Variants in BRINP3 observed in about 807,000 individuals in gnomAD.
The protein encoded by BRINP3 is BMP/retinoic acid-inducible neural-specific protein 3.
A neutral mutation model predicts 71.0 loss-of-function variants in BRINP3; 19 were observed. That is an observed-to-expected ratio of 0.27 (90% confidence interval 0.19 to 0.39). BRINP3 has a LOEUF of 0.39. Ranked by LOEUF, BRINP3 falls within the 10% of genes least tolerant of loss-of-function variation. The probability of loss-of-function intolerance (pLI) is 1.00; values close to 1 mark genes in which losing one functional copy is unlikely to be tolerated. For synonymous variants in BRINP3, 380 were observed against 337.7 expected (o/e 1.13, Z -1.37); for missense variants, 959 against 940.8 (o/e 1.02, Z -0.25).
At chr1:190,346,364 C>T (rs757731123) in intron 2 of BRINP3, among the ~76,000 whole-genome samples, 1 of 151,938 alleles carries the variant, frequency 6.6e-6, no homozygotes, top group Non-Finnish European at 1.5e-5. Context: ...AAGGCAAGTG[C>T]TTTGTTAATA....
At chr1:190,332,911 T>A (rs111513242) in intron 2 of BRINP3, among the ~76,000 whole-genome samples, 1 of 152,104 alleles carries the variant, frequency 6.6e-6, no homozygotes, top group Non-Finnish European at 1.5e-5. Context: ...TATTTCACTT[T>A]TCTTTTTCAT....
chr1:190,418,508 T>C (rs1673151964), intron 2 of BRINP3, among the ~76,000 whole-genome samples: 1 of 152,212 alleles, frequency 6.6e-6, no homozygotes, highest in Admixed American at 6.5e-5. Flanking sequence ...AAATTTTCCT[T>C]CTCATTACAC....
In BRINP3 at chr1:190,264,873, C is replaced by T. The variant is rs2102874527; in HGVS notation, c.610G>A (p.Ala204Thr). 6.2e-7 allele frequency: 1 copy of T among 1,612,902 alleles called. No individual in the cohort carries two copies. Among genetic ancestry groups the T allele is most frequent in the Non-Finnish European group, 8.5e-7 (1 of 1,179,488 alleles). The change falls in exon 4 of 8, where the codon GCC becomes ACC. Residue 204 changes from alanine (A) to threonine (T), a missense_variant. Coordinates refer to ENST00000367462, the MANE Select transcript of BRINP3 (RefSeq NM_199051.3). ...RLHHIQIASTAIKVTETRTGP... is the reference protein window; with the variant it reads ...RLHHIQIASTTIKVTETRTGP... ...CGTAAACTCATTCTTACCTTTATGG[C>T]AGTGGATGCAATTTGAATGTGGTGA...
At chr1:190,457,533 C>A (rs1379027215) in intron 1 of BRINP3, among the ~76,000 whole-genome samples, 1 of 152,084 alleles carries the variant, frequency 6.6e-6, no homozygotes, top group Non-Finnish European at 1.5e-5. Context: ...TACTTAACTT[C>A]TTTTGTGCGT....
At chr1:190,359,687 A>G (rs1451401272) in intron 2 of BRINP3, among the ~76,000 whole-genome samples, 1 of 152,134 alleles carries the variant, frequency 6.6e-6, no homozygotes, top group Non-Finnish European at 1.5e-5. Flanking sequence ...ACTGTCATAC[A>G]TTGAAGCTGG....
At chr1:190,417,370 C>T (rs1378112406) in intron 2 of BRINP3, among the ~76,000 whole-genome samples, 1 of 152,020 alleles carries the variant, frequency 6.6e-6, no homozygotes, top group Non-Finnish European at 1.5e-5. Context: ...TCTAATTTTA[C>T]AGTAAATATT....
At chr1:190,269,916 C>A (rs1374993703) in intron 3 of BRINP3, among the ~76,000 whole-genome samples, 3 of 151,940 alleles carry the variant, frequency 2.0e-5, no homozygotes, top group East Asian at 3.9e-4. Flanking sequence ...CTGACTAAAA[C>A]ATGCAAAACA....
At chr1:190,373,611 A>T (rs1293706400) in intron 2 of BRINP3, among the ~76,000 whole-genome samples, 3 of 151,798 alleles carry the variant, frequency 2.0e-5, no homozygotes, top group Non-Finnish European at 4.4e-5. Flanking sequence ...TCCAAAACTA[A>T]TAATGGCAGC....
At chr1:190,316,410 T>C (rs1323482443) in intron 2 of BRINP3, among the ~76,000 whole-genome samples, 2 of 152,126 alleles carry the variant, frequency 1.3e-5, no homozygotes, top group African/African-American at 4.8e-5. Flanking sequence ...ACAGATGCTC[T>C]TCTCTCAATT....
At chr1:190,319,299 A>T (rs1386907587) in intron 2 of BRINP3, among the ~76,000 whole-genome samples, 1 of 151,886 alleles carries the variant, frequency 6.6e-6, no homozygotes, top group African/African-American at 2.4e-5. Context: ...CCTCTGGCAT[A>T]TCTTCTTCCT....
At chr1:190,358,961 C>T (rs146026471) in intron 2 of BRINP3, among the ~76,000 whole-genome samples, 4,139 of 151,794 alleles carry the variant, frequency 0.027, 87 homozygotes, top group Middle Eastern at 0.11. Context: ...AATTGAACAA[C>T]GAGAACACTT....
intron 6 of BRINP3, among the ~76,000 whole-genome samples, chr1:190,212,847 A>G (rs1401304285): frequency 1.3e-5 from 2 of 152,138 alleles, no homozygotes; most frequent in African/African-American, 4.8e-5. Context: ...GACTCCAGCT[A>G]ACCTGTGGTG....
At chr1:190,324,932 G>A (rs1247068257) in intron 2 of BRINP3, among the ~76,000 whole-genome samples, 1 of 151,770 alleles carries the variant, frequency 6.6e-6, no homozygotes, top group Non-Finnish European at 1.5e-5. Context: ...AAAACTTGTG[G>A]AGCTCGATAA....
At chr1:190,228,297 A>G (rs2102710650) in intron 5 of BRINP3, among the ~76,000 whole-genome samples, 1 of 152,068 alleles carries the variant, frequency 6.6e-6, no homozygotes, top group South Asian at 2.1e-4. Context: ...GAATCAGTAT[A>G]TATTTATTAA....
intron 5 of BRINP3, among the ~76,000 whole-genome samples, chr1:190,227,204 T>G (rs1657471399): frequency 6.6e-6 from 1 of 151,856 alleles, no homozygotes; most frequent in Admixed American, 6.6e-5. Flanking sequence ...AAAACTGAAT[T>G]TTTATAATTT....
chr1:190,318,878 AGTATGTAATAACAAAG>A (rs1666054555), intron 2 of BRINP3, among the ~76,000 whole-genome samples: 1 of 152,140 alleles, frequency 6.6e-6, no homozygotes, highest in Non-Finnish European at 1.5e-5. Flanking sequence ...TTTTCTGCTT[AGTATGTAATAACAAAG>A]CGCAGATGTA....
chr1:190,305,447 A>T (rs1322528771), intron 2 of BRINP3, among the ~76,000 whole-genome samples: 1 of 151,834 alleles, frequency 6.6e-6, no homozygotes, highest in Non-Finnish European at 1.5e-5. Context: ...CATTTGCAAC[A>T]ATATGAATGA....
chr1:190,137,434 A>G (rs1286609627), intron 7 of BRINP3, among the ~76,000 whole-genome samples: 2 of 151,642 alleles, frequency 1.3e-5, no homozygotes, highest in African/African-American at 4.8e-5. Context: ...TTGGAACCAA[A>G]GTTTAAAAAA....
chr1:190,148,486 C>G (rs1239870190), intron 7 of BRINP3, among the ~76,000 whole-genome samples: 1 of 151,674 alleles, frequency 6.6e-6, no homozygotes, highest in East Asian at 1.9e-4. Context: ...GTCCCAGCTA[C>G]TAGAGAGGCT....
Sources: gnomAD v4.1 joint callset for allele counts (sites outside exome capture counted in the v4.1 genomes callset) on GRCh38, gnomAD v4.1.1 for gene constraint, MANE v1.5 for transcripts, NCBI Gene and HGNC (gene_info 2026-07-23, HGNC 2026-07-21) for gene names.